PLXNA2: variants seen among roughly 807,000 people sequenced by gnomAD.
PLXNA2 encodes the protein plexin-A2.
A neutral mutation model predicts 193.5 loss-of-function variants in PLXNA2; 91 were observed. That is an observed-to-expected ratio of 0.47 (90% CI 0.40 to 0.56). The LOEUF is 0.56. Ranked by LOEUF, PLXNA2 falls within the 20% of genes least tolerant of loss-of-function variation. The pLI is 0.00. For missense variants in PLXNA2, 1,995 were observed against 2,503.2 expected, an observed-to-expected ratio of 0.80 and a Z score of 4.33; for synonymous variants, 997 against 1,027.3, an observed-to-expected ratio of 0.97 and a Z score of 0.56.
chr1:208,053,880 C>A (rs577360945), intron 14 of PLXNA2, among the ~76,000 whole-genome samples: 1 of 152,188 alleles, frequency 6.6e-6, no homozygotes, highest in Non-Finnish European at 1.5e-5. Context: ...TGAATGTGTG[C>A]GTGTAACCAC....
In PLXNA2 at chr1:208,120,449, G is replaced by A. The variant is rs564375947; in HGVS notation, c.1507-17202C>T. 1.0e-3 allele frequency among the ~76,000 whole-genome samples: 159 copies of A among 152,202 alleles called. 5 individuals are homozygous for A. The South Asian group carries it at 0.032, about 30-fold the overall frequency. On this transcript the variant is annotated intron_variant, in intron 4 of 31. Transcript: ENST00000367033. ...TGGGGAGGGGCAGGCAGCACTTTTCGGGTTCTTCATTAAGCATTCCTCTGG... is the reference window on the plus strand; with the variant it reads ...TGGGGAGGGGCAGGCAGCACTTTTCAGGTTCTTCATTAAGCATTCCTCTGG...
At chr1:208,074,175 C>G (rs1183215462) in intron 12 of PLXNA2, among the ~76,000 whole-genome samples, 2 of 152,190 alleles carry the variant, frequency 1.3e-5, no homozygotes, top group Non-Finnish European at 2.9e-5. Context: ...CTACTCATGG[C>G]CCCTTAAGAA....
At chr1:208,122,432 ACGTCTTAATCTATAAAAT>A (rs1162822532) in intron 4 of PLXNA2, among the ~76,000 whole-genome samples, 1 of 152,204 alleles carries the variant, frequency 6.6e-6, no homozygotes, top group Non-Finnish European at 1.5e-5. Context: ...ATCCATAAAA[ACGTCTTAATCTATAAAAT>A]GTGGATGATT....
intron 1 of PLXNA2, among the ~76,000 whole-genome samples, chr1:208,231,520 G>T (rs990289200): frequency 4.6e-5 from 7 of 152,140 alleles, no homozygotes; most frequent in African/African-American, 1.7e-4. Context: ...GTGTGAGCAC[G>T]TCTGTCTGCT....
rs565162822 is a variant in PLXNA2, at chr1:208,089,890, C to T, written c.2097+2896G>A. On this transcript the variant is annotated intron_variant, in intron 9 of 31. Coordinates refer to ENST00000367033, the MANE Select transcript of PLXNA2 (RefSeq NM_025179.4). Reference sequence around the variant, plus strand: ...AACTACATGAAACTATCAGCTGGGACGCCTGAGAGAGTAAGGGAAACCTTA... The same window carrying T: ...AACTACATGAAACTATCAGCTGGGATGCCTGAGAGAGTAAGGGAAACCTTA... 1.1e-4 allele frequency among the ~76,000 whole-genome samples: 17 copies of T among 152,202 alleles called. No homozygotes were observed. The East Asian group carries it at 2.7e-3, about 24-fold the overall frequency.
At chr1:208,218,065 G>C (rs1170152631) in intron 1 of PLXNA2, 63 bp from the exon 2 acceptor site, 1 of 1,449,702 alleles carries the variant, frequency 6.9e-7, no homozygotes, top group Middle Eastern at 2.0e-4. Context: ...AAAGAGGCTG[G>C]CCTGACCCAG....
intron 23 of PLXNA2, 73 bp from the exon 24 acceptor site, chr1:208,039,840 G>C: frequency 6.2e-7 from 1 of 1,606,286 alleles, no homozygotes; most frequent in Admixed American, 1.7e-5. Context: ...TTCCTCTCTC[G>C]GAGCGAGGCC....
At chr1:208,061,024 G>C (rs1377379540) in intron 12 of PLXNA2, among the ~76,000 whole-genome samples, 187 bp from the exon 13 acceptor site, 1 of 152,102 alleles carries the variant, frequency 6.6e-6, no homozygotes, top group East Asian at 1.9e-4. Flanking sequence ...ATCATGTTCT[G>C]TTTTACACTG....
intron 5 of PLXNA2, among the ~76,000 whole-genome samples, chr1:208,100,302 G>A (rs1216370285): frequency 2.0e-5 from 3 of 151,956 alleles, no homozygotes; most frequent in African/African-American, 7.3e-5. Flanking sequence ...GCTGTAGTGA[G>A]CTGTGATTGC....
chr1:208,173,717 G>A (rs1669567346), intron 3 of PLXNA2, among the ~76,000 whole-genome samples: 1 of 152,222 alleles, frequency 6.6e-6, no homozygotes, highest in Admixed American at 6.5e-5. Flanking sequence ...TCAAGGGTGA[G>A]TGGAGGATTT....
At chr1:208,073,766 TA>T (rs199497854) in intron 12 of PLXNA2, among the ~76,000 whole-genome samples, 12,375 of 145,868 alleles carry the variant, frequency 0.085, 534 homozygotes, top group South Asian at 0.11. Context: ...GGTCTTTATT[TA>T]AAAAAAAAAA....
intron 3 of PLXNA2, among the ~76,000 whole-genome samples, chr1:208,159,488 G>A (rs1049710455): frequency 4.6e-5 from 7 of 152,272 alleles, no homozygotes; most frequent in East Asian, 1.9e-4. Context: ...ACAATCCCAC[G>A]TCCTCCAGCT....
rs778485154 is a variant in PLXNA2, at chr1:208,103,136, C to T, written c.1607+11G>A. ...CATGCCAAACCCTTTTCCAGTATAC[C>T]CCAAACTTACATGTTGTGCAGGGCA... is the stretch of plus-strand genomic sequence containing the variant. On this transcript the variant is annotated intron_variant, in intron 5 of 31. Coordinates refer to ENST00000367033, the MANE Select transcript of PLXNA2 (RefSeq NM_025179.4). The T allele has an allele frequency of 6.2e-7, 1 of 1,606,126 alleles. No individual in the cohort carries two copies. The highest frequency in any genetic ancestry group is 1.3e-5 in the African/African-American group (1 of 74,876).
At chr1:208,157,792 T>C (rs1668983321) in intron 3 of PLXNA2, among the ~76,000 whole-genome samples, 1 of 152,138 alleles carries the variant, frequency 6.6e-6, no homozygotes, top group Non-Finnish European at 1.5e-5. Flanking sequence ...ATAATAAAGC[T>C]CTGTAATTAT....
intron 1 of PLXNA2, among the ~76,000 whole-genome samples, chr1:208,232,072 T>G (rs910878876): frequency 6.6e-6 from 1 of 152,220 alleles, no homozygotes; most frequent in Non-Finnish European, 1.5e-5. Context: ...TGGGAGCTGC[T>G]GGCCATCCAC....
Position 208,044,849 on chromosome 1 carries a change from C to T in PLXNA2, c.3640-107G>A. On this transcript the variant is annotated intron_variant, in intron 19 of 31. Transcript: ENST00000367033. This position sits in a 1 kb window ranked among gnomAD's most constrained non-coding sequence, Gnocchi z 4.9. ...GGAAGGACATGACAGACCACAACCA[C>T]ACAGTGCAGCTCTAGATAAAAAGCA... The T allele has an allele frequency of 9.8e-7, 1 of 1,021,896 alleles. No homozygotes were observed. The highest frequency in any genetic ancestry group is 1.5e-5 in the South Asian group (1 of 67,258). The allele number at this position is 1,021,896 out of a possible 1,614,324, so 63.3% of individuals were successfully genotyped here. A position where few individuals can be genotyped will look rare whatever the true frequency, so the allele number is the denominator to read the frequency against.
intron 17 of PLXNA2, among the ~76,000 whole-genome samples, chr1:208,050,331 G>T (rs1386360627): frequency 1.3e-5 from 2 of 152,212 alleles, no homozygotes; most frequent in African/African-American, 2.4e-5. Context: ...CTAATAGATG[G>T]CAGAACCCTG....
At chr1:208,192,178 C>T (rs1328869607) in intron 3 of PLXNA2, among the ~76,000 whole-genome samples, 1 of 152,208 alleles carries the variant, frequency 6.6e-6, no homozygotes, top group Non-Finnish European at 1.5e-5. Context: ...TTCGAGTCCA[C>T]TCTTTCCATC....
At chr1:208,047,354 T>TCCCCTAACCCTGCACTGGGACAGAAGC (rs55935780) in intron 17 of PLXNA2, among the ~76,000 whole-genome samples, 1 of 152,138 alleles carries the variant, frequency 6.6e-6, no homozygotes, top group South Asian at 2.1e-4. Context: ...TGACACAGAG[T>TCCCCTAACCCTGCACTGGGACAGAAGC]TCATGATATC....
Sources: allele counts gnomAD v4.1 joint callset (sites outside exome capture counted in the v4.1 genomes callset), GRCh38; gene constraint gnomAD v4.1.1; non-coding constraint Gnocchi (gnomAD v3.1); transcripts MANE v1.5; gene names NCBI Gene and HGNC (gene_info 2026-07-23, HGNC 2026-07-21).